Variants in ARL15 observed in about 807,000 individuals in gnomAD.
ARL15 encodes ARF like GTPase 15, also known as ADP-ribosylation factor-like protein 15.
In ARL15, 19 loss-of-function variants were observed where a neutral mutation model predicts 25.2. The ratio of observed to expected loss-of-function variants is 0.75; its 90% CI spans 0.53 to 1.10. The LOEUF is 1.10. Among genes scored for constraint, ARL15 ranks in the 50% least tolerant of loss-of-function variants. ARL15 has a pLI of 0.00. For synonymous variants in ARL15, 94 were observed against 86.8 expected, an observed-to-expected ratio of 1.08 and a Z score of -0.46; for missense variants, 220 against 246.0, an observed-to-expected ratio of 0.89 and a Z score of 0.71.
chr5:54,050,313 T>C (rs549901695), intron 4 of ARL15, among the ~76,000 whole-genome samples: 70 of 152,334 alleles, frequency 4.6e-4, no homozygotes, highest in African/African-American at 1.6e-3. Flanking sequence ...GAATTAGAGA[T>C]GAAATTGTGC....
At chr5:54,197,221 T>A (rs1423607) in intron 1 of ARL15, among the ~76,000 whole-genome samples, 24,548 of 152,122 alleles carry the variant, frequency 0.16, 2,178 homozygotes, top group Middle Eastern at 0.26. Context: ...CACAATGTTA[T>A]CTGGCAATTC....
At chr5:54,237,706 AC>A (rs1440940150) in intron 1 of ARL15, among the ~76,000 whole-genome samples, 1 of 152,242 alleles carries the variant, frequency 6.6e-6, no homozygotes, top group Non-Finnish European at 1.5e-5. Context: ...ACCTGAGGGC[AC>A]TACTTCAGCT....
At chr5:53,973,446 C>T (rs938497506) in intron 4 of ARL15, among the ~76,000 whole-genome samples, 13 of 151,814 alleles carry the variant, frequency 8.6e-5, no homozygotes, top group African/African-American at 2.9e-4. Flanking sequence ...TGGTGGCGGG[C>T]GCCTGTAATT....
chr5:54,258,729 A>C (rs1757427847), intron 1 of ARL15, among the ~76,000 whole-genome samples: 4 of 152,296 alleles, frequency 2.6e-5, no homozygotes, highest in African/African-American at 9.6e-5. Flanking sequence ...GGAGAGGGGC[A>C]TGAAATGAAA....
rs115227630 is a variant in ARL15, at chr5:54,074,433, A to C, written c.462+38769T>G. Among the ~76,000 whole-genome samples the C allele has an allele frequency of 9.3e-3, 1,420 of 152,370 alleles. 25 individuals are homozygous for C. Among genetic ancestry groups the C allele is most frequent in the African/African-American group, 0.032 (1,348 of 41,580 alleles). ...CCACAGATTGTCAATAAAATGTTGT[A>C]AATCCAAGAGTAAGCTAATAAACAA... On this transcript the variant is annotated intron_variant, in intron 4 of 4. Transcript: ENST00000504924.
chr5:53,937,294 T>TACACACACAC (rs10647066), intron 4 of ARL15, among the ~76,000 whole-genome samples: 1 of 149,560 alleles, frequency 6.7e-6, no homozygotes, highest in African/African-American at 2.4e-5. Context: ...CGCCTGCGCA[T>TACACACACAC]ACACACACAC....
intron 4 of ARL15, among the ~76,000 whole-genome samples, chr5:54,000,206 G>T (rs986913915): frequency 4.6e-5 from 7 of 152,120 alleles, no homozygotes; most frequent in Non-Finnish European, 8.8e-5. Context: ...CCAAGGAAAA[G>T]AAATGAATCT....
At chr5:54,091,752 G>A (rs1209728387) in intron 4 of ARL15, among the ~76,000 whole-genome samples, 4 of 151,576 alleles carry the variant, frequency 2.6e-5, no homozygotes, top group Non-Finnish European at 5.9e-5. Context: ...GGCTGAGCAA[G>A]ACTTGAGATG....
intron 4 of ARL15, among the ~76,000 whole-genome samples, chr5:53,889,591 C>A (rs1331768146): frequency 6.6e-6 from 1 of 152,190 alleles, no homozygotes; most frequent in African/African-American, 2.4e-5. Context: ...CTAACACTGC[C>A]AATATTCACT....
At chr5:53,994,441 C>T (rs1748603799) in intron 4 of ARL15, among the ~76,000 whole-genome samples, 1 of 152,186 alleles carries the variant, frequency 6.6e-6, no homozygotes, top group East Asian at 1.9e-4. Context: ...TACATAATTA[C>T]ATGAGAAAAC....
At chr5:54,044,491 C>T (rs1349684102) in intron 4 of ARL15, among the ~76,000 whole-genome samples, 3 of 152,068 alleles carry the variant, frequency 2.0e-5, no homozygotes, top group Non-Finnish European at 2.9e-5. Context: ...GTGATCCACC[C>T]GCCTTGGCCT....
At chr5:54,034,596 C>T (rs1289478422) in intron 4 of ARL15, among the ~76,000 whole-genome samples, 1 of 152,102 alleles carries the variant, frequency 6.6e-6, no homozygotes, top group Non-Finnish European at 1.5e-5. Context: ...TGAAGTAAAA[C>T]ATAATTTGGT....
intron 4 of ARL15, among the ~76,000 whole-genome samples, chr5:53,935,214 T>C (rs1746315611): frequency 6.6e-6 from 1 of 152,302 alleles, no homozygotes; most frequent in South Asian, 2.1e-4. Context: ...ATGGAAAACA[T>C]ACTCATAGCC....
intron 3 of ARL15, among the ~76,000 whole-genome samples, chr5:54,139,313 C>T (rs1328869905): frequency 2.8e-4 from 43 of 152,158 alleles, no homozygotes; most frequent in Admixed American, 2.7e-3. Context: ...TACATACATA[C>T]ATGGAATACC....
At chr5:54,185,022 G>A (rs1043812628) in intron 1 of ARL15, among the ~76,000 whole-genome samples, 3 of 152,160 alleles carry the variant, frequency 2.0e-5, no homozygotes, top group Admixed American at 1.3e-4. Flanking sequence ...CAGACAAGGA[G>A]CTTTATGATC....
intron 4 of ARL15, among the ~76,000 whole-genome samples, chr5:54,042,998 A>G (rs1750391491): frequency 6.6e-6 from 1 of 152,166 alleles, no homozygotes; most frequent in Non-Finnish European, 1.5e-5. Flanking sequence ...CTTCAGATAC[A>G]CAAAGGCATC....
intron 4 of ARL15, among the ~76,000 whole-genome samples, chr5:54,092,425 G>A (rs1214750511): frequency 1.3e-5 from 2 of 151,742 alleles, no homozygotes; most frequent in Non-Finnish European, 2.9e-5. Flanking sequence ...CTAATGAAAT[G>A]AATGACCAAG....
chr5:54,206,403 C>T (rs1234101395), intron 1 of ARL15, among the ~76,000 whole-genome samples: 1 of 152,120 alleles, frequency 6.6e-6, no homozygotes, highest in Non-Finnish European at 1.5e-5. Flanking sequence ...CAATAGTAAA[C>T]AGAGTCAGAA....
In ARL15 at chr5:53,884,967, G is replaced by A. The variant is rs1262831792; in HGVS notation, c.*1594C>T. On this transcript the variant is annotated 3_prime_UTR_variant, in exon 5 of 5. Coordinates refer to ENST00000504924, the MANE Select transcript of ARL15 (RefSeq NM_019087.3). ...TCACTATGTATCCTTCCTGATTCAT[G>A]ACATTAAAAAAAAAAAGCTTAAAGA... is the stretch of plus-strand genomic sequence containing the variant. The A allele has an allele frequency of 2.0e-5, 3 of 150,924 alleles. No individual in the cohort carries two copies. Among genetic ancestry groups the A allele is most frequent in the Non-Finnish European group, 3.0e-5 (2 of 67,678 alleles). 9.3% of individuals were successfully genotyped at this position (150,924 alleles called of 1,614,324 possible). A position where few individuals can be genotyped will look rare whatever the true frequency, so the allele number is the denominator to read the frequency against.
Sources: allele counts gnomAD v4.1 joint callset (sites outside exome capture counted in the v4.1 genomes callset), GRCh38; gene constraint gnomAD v4.1.1; transcripts MANE v1.5; gene names NCBI Gene and HGNC (gene_info 2026-07-23, HGNC 2026-07-21).